Variants in TXNDC5 observed in about 807,000 individuals in gnomAD.
TXNDC5 encodes the protein thioredoxin domain-containing protein 5.
In TXNDC5, 44 loss-of-function variants were observed where a neutral mutation model predicts 52.6. That is an observed-to-expected ratio of 0.84 (90% CI 0.66 to 1.08). The LOEUF (loss-of-function observed/expected upper bound fraction) is 1.08. Among genes scored for constraint, TXNDC5 ranks in the 50% least tolerant of loss-of-function variants. The pLI, the probability that TXNDC5 is intolerant of heterozygous loss-of-function variation, is 0.00. For missense variants in TXNDC5, 600 were observed against 565.5 expected, an observed-to-expected ratio of 1.06 and a Z score of -0.62; for synonymous variants, 241 against 234.4, an observed-to-expected ratio of 1.03 and a Z score of -0.26.
Position 7,891,745 on chromosome 6 carries a change from G to A in TXNDC5, c.617-9C>T. On this transcript the variant is annotated splice_polypyrimidine_tract_variant and intron_variant, in intron 4 of 9. Transcript: ENST00000379757. ...CTTGATAAAGTGGTCGCCTGGAGTG[G>A]AGAGCCAAGGCAGAGACGGGGGAAA... 1 of 1,603,754 alleles carries A rather than the reference G, an allele frequency of 6.2e-7. No homozygotes were observed.
chr6:7,895,209 G>C lies in TXNDC5; in HGVS notation c.520-7C>G, dbSNP rs1760323840. Reference sequence around the variant, plus strand: ...CCACTTCCGGCTCTGGTGTCTAACAGGAGGAAATAAAACAGTCATGGGTGT... The same window carrying C: ...CCACTTCCGGCTCTGGTGTCTAACACGAGGAAATAAAACAGTCATGGGTGT... On this transcript the variant is annotated splice_polypyrimidine_tract_variant and splice_region_variant and intron_variant, in intron 3 of 9. Transcript: ENST00000379757. 1 of 1,609,874 alleles carries C rather than the reference G, an allele frequency of 6.2e-7. No individual in the cohort carries two copies. Among genetic ancestry groups the C allele is most frequent in the African/African-American group, 1.3e-5 (1 of 74,828 alleles).
chr6:7,889,628 C>T, intron 5 of TXNDC5, 47 bp from the exon 6 acceptor site: 2 of 1,488,818 alleles, frequency 1.3e-6, no homozygotes, highest in South Asian at 2.3e-5. Flanking sequence ...CTTCATGAAC[C>T]TTCTTGCTAA....
At chr6:7,893,098 G>C (rs896060443) in intron 4 of TXNDC5, among the ~76,000 whole-genome samples, 1 of 152,104 alleles carries the variant, frequency 6.6e-6, no homozygotes, top group Non-Finnish European at 1.5e-5. Context: ...TGGCTACGGG[G>C]AAAAAAACAA....
Position 7,882,317 on chromosome 6 carries a change from T to C in TXNDC5, c.*827A>G, listed in dbSNP as rs377716853. The C allele has an allele frequency of 2.0e-5, 3 of 152,266 alleles. No homozygotes were observed. Among genetic ancestry groups the C allele is most frequent in the East Asian group, 3.8e-4 (2 of 5,206 alleles). The allele number at this position is 152,266 out of a possible 1,614,324, so 9.4% of individuals were successfully genotyped here. ...GGAATCTTTCAATGAGTTAATGAGA[T>C]ACTGAGAATGAGCCTCGTGGAATTT... On this transcript the variant is annotated 3_prime_UTR_variant, in exon 10 of 10. Transcript: ENST00000379757.
At chr6:7,892,686 C>T (rs1458796074) in intron 4 of TXNDC5, among the ~76,000 whole-genome samples, 2 of 152,232 alleles carry the variant, frequency 1.3e-5, no homozygotes, top group Non-Finnish European at 2.9e-5. Flanking sequence ...GGGAGTTTCC[C>T]TACACAAGCT....
chr6:7,902,253 C>T (rs1371765288), intron 2 of TXNDC5, among the ~76,000 whole-genome samples: 2 of 152,164 alleles, frequency 1.3e-5, no homozygotes, highest in Non-Finnish European at 2.9e-5. Flanking sequence ...TTTCTGGCCA[C>T]CCGGTTTGTG....
chr6:7,892,745 C>T (rs985375106), intron 4 of TXNDC5, among the ~76,000 whole-genome samples: 2 of 152,258 alleles, frequency 1.3e-5, no homozygotes, highest in African/African-American at 2.4e-5. Context: ...TCCTCCTTGC[C>T]TTCCACCATG....
chr6:7,893,711 G>A (rs1760275998), intron 4 of TXNDC5, among the ~76,000 whole-genome samples: 1 of 152,228 alleles, frequency 6.6e-6, no homozygotes, highest in Non-Finnish European at 1.5e-5. Flanking sequence ...GCAAAAGTGG[G>A]AAAAGGCTGA....
Position 7,882,081 on chromosome 6 carries a change from A to C in TXNDC5, c.*1063T>G, listed in dbSNP as rs891754894. Reference sequence around the variant, plus strand: ...CCACTGACATCTGTCTTTGGTCTTGAGATCAAATGCATCCCATTCTTCATA... The same window carrying C: ...CCACTGACATCTGTCTTTGGTCTTGCGATCAAATGCATCCCATTCTTCATA... On this transcript the variant is annotated 3_prime_UTR_variant, in exon 10 of 10. Coordinates refer to ENST00000379757, the MANE Select transcript of TXNDC5 (RefSeq NM_030810.5). 22 of 152,696 alleles carry C rather than the reference A, an allele frequency of 1.4e-4. No individual in the cohort carries two copies. Among genetic ancestry groups the C allele is most frequent in the African/African-American group, 5.3e-4 (22 of 41,468 alleles). 9.5% of individuals were successfully genotyped at this position (152,696 alleles called of 1,614,324 possible). A position where few individuals can be genotyped will look rare whatever the true frequency, so the allele number is the denominator to read the frequency against.
chr6:7,886,099 C>T, intron 7 of TXNDC5, 56 bp from the exon 8 acceptor site: 1 of 1,512,188 alleles, frequency 6.6e-7, no homozygotes, highest in East Asian at 2.3e-5. Context: ...TGAGCAGGGC[C>T]ATGCTTTGGG....
Position 7,882,267 on chromosome 6 carries a change from G to A in TXNDC5, c.*877C>T, listed in dbSNP as rs1289198110. On this transcript the variant is annotated 3_prime_UTR_variant, in exon 10 of 10. Coordinates refer to ENST00000379757, the MANE Select transcript of TXNDC5 (RefSeq NM_030810.5). ...GGCCTGGGAAAGCCTGTCTGGTCTT[G>A]TCACCCCAGGTGACAAATACAACTG... 6.6e-6 allele frequency: 1 copy of A among 152,500 alleles called. No individual in the cohort carries two copies. Among genetic ancestry groups the A allele is most frequent in the Non-Finnish European group, 1.5e-5 (1 of 68,040 alleles). The allele number at this position is 152,500 out of a possible 1,614,324, so 9.4% of individuals were successfully genotyped here.
chr6:7,909,761 C>G, intron 1 of TXNDC5: 1 of 985,998 alleles, frequency 1.0e-6, no homozygotes, highest in Non-Finnish European at 1.2e-6. Context: ...CCTCCTCTGC[C>G]CGGACCACTC....
chr6:7,893,147 GT>G (rs1760255332), intron 4 of TXNDC5, among the ~76,000 whole-genome samples: 1 of 152,228 alleles, frequency 6.6e-6, no homozygotes, highest in Admixed American at 6.5e-5. Context: ...CACAGAAGGT[GT>G]TTAGCTGTTC....
intron 2 of TXNDC5, 120 bp from the exon 3 acceptor site, chr6:7,899,801 T>G (rs1030493787): frequency 1.2e-5 from 7 of 578,408 alleles, no homozygotes; most frequent in African/African-American, 1.1e-4. Flanking sequence ...GGCATGTATC[T>G]GCTCCTCTCT....
In TXNDC5 at chr6:7,895,129, T is replaced by G. The variant is rs1409314462; in HGVS notation, c.593A>C (p.Asn198Thr). The change falls in exon 4 of 10, where the codon AAC becomes ACC. Residue 198 changes from asparagine to threonine, a missense_variant. By Grantham distance (65) the Asn-to-Thr change is moderately conservative. Coordinates refer to ENST00000379757, the MANE Select transcript of TXNDC5 (RefSeq NM_030810.5). The part of the protein sequence containing the change: ...KQGLYELSAS[N>T]FELHVAQGDH... ...ACCTTGTGCAACGTGCAGCTCAAAG[T>G]TGCTTGCTGAGAGCTCATACAGCCC... The G allele has an allele frequency of 6.2e-7, 1 of 1,613,752 alleles. No individual in the cohort carries two copies. Among genetic ancestry groups the G allele is most frequent in the African/African-American group, 1.3e-5 (1 of 74,912 alleles).
At chr6:7,904,457 G>GA in intron 2 of TXNDC5, 117 bp downstream of exon 2, 1 of 1,339,770 alleles carries the variant, frequency 7.5e-7, no homozygotes, top group Non-Finnish European at 1.0e-6. Flanking sequence ...TCTCCCTAAT[G>GA]ACAGGGACTG....
chr6:7,887,600 G>C (rs75704565), intron 7 of TXNDC5, among the ~76,000 whole-genome samples: 3 of 152,098 alleles, frequency 2.0e-5, no homozygotes, highest in Admixed American at 2.0e-4. Context: ...CATCTTTAAA[G>C]GCCTAATAGA....
At chr6:7,893,286 A>C (rs990528448) in intron 4 of TXNDC5, among the ~76,000 whole-genome samples, 1 of 152,274 alleles carries the variant, frequency 6.6e-6, no homozygotes, top group African/African-American at 2.4e-5. Flanking sequence ...CTGTCTCATC[A>C]GCACAGCAAC....
At chr6:7,895,555 G>A (rs569156924) in intron 3 of TXNDC5, among the ~76,000 whole-genome samples, 15 of 152,200 alleles carry the variant, frequency 9.9e-5, no homozygotes, top group Non-Finnish European at 1.9e-4. Context: ...TCTTTGAAAC[G>A]TACTTGGATA....
Sources: allele counts gnomAD v4.1 joint callset (sites outside exome capture counted in the v4.1 genomes callset), GRCh38; gene constraint gnomAD v4.1.1; transcripts MANE v1.5; gene names NCBI Gene and HGNC (gene_info 2026-07-23, HGNC 2026-07-21).